Variants in PRKCB observed in about 807,000 individuals in gnomAD.
PRKCB encodes protein kinase C beta, also known as protein kinase C beta type.
In PRKCB, 13 loss-of-function variants were observed where a neutral mutation model predicts 81.5. The ratio of observed to expected loss-of-function variants is 0.16; its 90% CI spans 0.10 to 0.25. The LOEUF (loss-of-function observed/expected upper bound fraction) is 0.25, where lower values mean the gene tolerates loss of function less well. Among genes scored for constraint, PRKCB ranks in the 10% least tolerant of loss-of-function variants. The probability of loss-of-function intolerance (pLI) is 1.00; values close to 1 mark genes in which losing one functional copy is unlikely to be tolerated. For synonymous variants in PRKCB, 335 were observed against 321.4 expected (o/e 1.04, Z -0.45); for missense variants, 509 against 875.7 (o/e 0.58, Z 5.29).
At chr16:24,164,740 AAGTAGGAG>A (rs1248423451) in intron 10 of PRKCB, among the ~76,000 whole-genome samples, 5 of 152,200 alleles carry the variant, frequency 3.3e-5, no homozygotes, top group Non-Finnish European at 7.3e-5. Flanking sequence ...AAAATTGAGT[AAGTAGGAG>A]AGAGCCAATC....
chr16:24,041,239 A>G (rs1184708681), intron 5 of PRKCB, among the ~76,000 whole-genome samples: 1 of 151,868 alleles, frequency 6.6e-6, no homozygotes, highest in Non-Finnish European at 1.5e-5. Flanking sequence ...TTTTTGGTAG[A>G]GATGGAGTTT....
At chr16:23,947,976 C>A (rs192019231) in intron 2 of PRKCB, among the ~76,000 whole-genome samples, 18 of 151,378 alleles carry the variant, frequency 1.2e-4, no homozygotes, top group Admixed American at 1.1e-3. Context: ...ACTCGCCCAA[C>A]CTCCCTTGCA....
chr16:24,137,376 A>T (rs1174403432), intron 9 of PRKCB, among the ~76,000 whole-genome samples: 1 of 150,398 alleles, frequency 6.6e-6, no homozygotes, highest in East Asian at 1.9e-4. Flanking sequence ...TTTTCTAGAG[A>T]TGGGATCTCA....
intron 2 of PRKCB, among the ~76,000 whole-genome samples, chr16:23,904,786 A>G (rs888331529): frequency 2.6e-5 from 4 of 152,162 alleles, no homozygotes; most frequent in African/African-American, 9.7e-5. Flanking sequence ...TGGGATTTAA[A>G]AGTTGGGGGA....
At chr16:23,875,362 A>G (rs1169744605) in intron 2 of PRKCB, among the ~76,000 whole-genome samples, 1 of 151,970 alleles carries the variant, frequency 6.6e-6, no homozygotes, top group African/African-American at 2.4e-5. Flanking sequence ...TGATAAAAAA[A>G]ATACTGGATG....
At chr16:24,052,919 C>G (rs1965860593) in intron 5 of PRKCB, among the ~76,000 whole-genome samples, 1 of 152,180 alleles carries the variant, frequency 6.6e-6, no homozygotes, top group Admixed American at 6.5e-5. Context: ...TTACCCAGCC[C>G]CTATTCAAGA....
intron 3 of PRKCB, among the ~76,000 whole-genome samples, chr16:24,007,218 A>T (rs1010819609): frequency 5.9e-5 from 9 of 152,228 alleles, no homozygotes; most frequent in Admixed American, 2.0e-4. Context: ...TAAATGAGTT[A>T]ACCTAGATGG....
At chr16:24,040,168 T>C (rs887582970) in intron 5 of PRKCB, among the ~76,000 whole-genome samples, 3 of 152,182 alleles carry the variant, frequency 2.0e-5, no homozygotes, top group Admixed American at 6.5e-5. Flanking sequence ...TTTTGGCAGG[T>C]CAAGATGAGA....
chr16:23,866,930 TC>T (rs1962799630), intron 2 of PRKCB, among the ~76,000 whole-genome samples: 1 of 151,366 alleles, frequency 6.6e-6, no homozygotes, highest in Non-Finnish European at 1.5e-5. Context: ...TCTCTTCTCT[TC>T]CCTTCCCTTC....
rs890164406 is a variant in PRKCB at position 23,964,608 on chromosome 16, C to T, written c.206-23900C>T. Among the ~76,000 whole-genome samples the T allele has an allele frequency of 2.0e-5, 3 of 151,730 alleles. No individual in the cohort carries two copies. In the East Asian group the frequency reaches 5.8e-4, roughly 29 times the overall value. On this transcript the variant is annotated intron_variant, in intron 2 of 16. Transcript: ENST00000643927. ...TAAGGTAAGTATTGTTATCCCTGTCCTAGAGATGAGAAAACTGGGACTGGA... is the reference window on the plus strand; with the variant it reads ...TAAGGTAAGTATTGTTATCCCTGTCTTAGAGATGAGAAAACTGGGACTGGA...
chr16:23,983,406 G>A (rs1046365813), intron 2 of PRKCB, among the ~76,000 whole-genome samples: 1 of 152,116 alleles, frequency 6.6e-6, no homozygotes, highest in African/African-American at 2.4e-5. Flanking sequence ...GCCTCAGTGG[G>A]GATGGACTAT....
intron 2 of PRKCB, among the ~76,000 whole-genome samples, chr16:23,854,229 G>C (rs973644861): frequency 6.6e-6 from 1 of 151,974 alleles, no homozygotes; most frequent in African/African-American, 2.4e-5. Context: ...TTGAGGCCGG[G>C]TTAGTTCTCT....
chr16:23,944,965 G>T (rs1964185489), intron 2 of PRKCB, among the ~76,000 whole-genome samples: 1 of 152,152 alleles, frequency 6.6e-6, no homozygotes, highest in Non-Finnish European at 1.5e-5. Context: ...GGACTGAGGG[G>T]CCAAGGAGGT....
intron 3 of PRKCB, among the ~76,000 whole-genome samples, chr16:24,031,173 C>T (rs551504012): frequency 6.6e-6 from 1 of 152,322 alleles, no homozygotes; most frequent in East Asian, 1.9e-4. Flanking sequence ...ACTGCACTGC[C>T]AGGCTATCAA....
intron 2 of PRKCB, among the ~76,000 whole-genome samples, chr16:23,853,735 G>C (rs571531629): frequency 4.6e-5 from 7 of 151,564 alleles, no homozygotes; most frequent in African/African-American, 1.7e-4. Flanking sequence ...AAATAAAGAA[G>C]CACTTTTCTT....
intron 2 of PRKCB, among the ~76,000 whole-genome samples, chr16:23,857,481 C>T (rs1384382049): frequency 1.3e-5 from 2 of 152,108 alleles, no homozygotes; most frequent in Non-Finnish European, 1.5e-5. Context: ...TGCCTCCAGC[C>T]GAGACTTCCA....
chr16:24,110,892 TTTCC>T (rs1273456446), intron 7 of PRKCB, among the ~76,000 whole-genome samples: 1 of 152,178 alleles, frequency 6.6e-6, no homozygotes, highest in African/African-American at 2.4e-5. Context: ...TGATATTGAA[TTTCC>T]TTCCAAGGAA....
At chr16:23,939,400 A>G (rs1042576808) in intron 2 of PRKCB, among the ~76,000 whole-genome samples, 5 of 152,252 alleles carry the variant, frequency 3.3e-5, no homozygotes, top group Non-Finnish European at 7.3e-5. Flanking sequence ...AATTTATATG[A>G]GAAGGCAAAG....
intron 2 of PRKCB, among the ~76,000 whole-genome samples, chr16:23,934,590 A>T (rs541540329): frequency 6.6e-6 from 1 of 152,316 alleles, no homozygotes; most frequent in Non-Finnish European, 1.5e-5. Flanking sequence ...TGTTACATTA[A>T]TAAGTTCCAT....
Sources: allele counts gnomAD v4.1 joint callset (sites outside exome capture counted in the v4.1 genomes callset), GRCh38; gene constraint gnomAD v4.1.1; transcripts MANE v1.5; gene names NCBI Gene and HGNC (gene_info 2026-07-23, HGNC 2026-07-21).